MCTP1: variants seen among roughly 807,000 people sequenced by gnomAD.
MCTP1 encodes multiple C2 and transmembrane domain-containing protein 1.
A neutral mutation model predicts 120.6 loss-of-function variants in MCTP1; 69 were observed. That is an observed-to-expected ratio of 0.57 (90% CI 0.47 to 0.70). The LOEUF (loss-of-function observed/expected upper bound fraction) is 0.70. MCTP1 is among the 30% of genes least tolerant of loss of function. The pLI is 0.00. For synonymous variants in MCTP1, 529 were observed against 493.1 expected (o/e 1.07, Z -0.96); for missense variants, 1,203 against 1,248.8 (o/e 0.96, Z 0.55).
At chr5:94,826,645 G>A (rs1787135189) in intron 17 of MCTP1, 1 of 754,106 alleles carries the variant, frequency 1.3e-6, no homozygotes. Flanking sequence ...TTTTCTTGAG[G>A]GTTTCTGGCA....
intron 17 of MCTP1, among the ~76,000 whole-genome samples, chr5:94,843,875 G>C (rs1019052187): frequency 1.3e-5 from 2 of 152,208 alleles, no homozygotes; most frequent in Non-Finnish European, 2.9e-5. Flanking sequence ...TAGGTAGAGA[G>C]AAAGGTTGTG....
chr5:95,064,677 C>T (rs1368332936), intron 1 of MCTP1, among the ~76,000 whole-genome samples: 1 of 152,162 alleles, frequency 6.6e-6, no homozygotes, highest in Non-Finnish European at 1.5e-5. Context: ...CTGGGGTACA[C>T]TCACTGATAA....
chr5:95,143,373 T>A (rs1045937254), intron 1 of MCTP1, among the ~76,000 whole-genome samples: 1 of 152,166 alleles, frequency 6.6e-6, no homozygotes, highest in Admixed American at 6.5e-5. Flanking sequence ...TAAATAAAAT[T>A]TCTAGGAGCC....
rs1561915986 is a variant in MCTP1 at position 94,953,794 on chromosome 5, C to CATATATATACATATATATATACAAAT, written c.839-459_839-434dup. On this transcript the variant is annotated intron_variant, in intron 2 of 22. Transcript: ENST00000515393. ...ATGCCATGATATATATATTCCATGGCATATATATACATATATATATACAAA... is the reference window on the plus strand; with the variant it reads ...ATGCCATGATATATATATTCCATGGCATATATATACATATATATATACAAATATATATATACATATATATATACAAA... Among the ~76,000 whole-genome samples, 84 of 116,404 alleles carry CATATATATACATATATATATACAAAT rather than the reference C, an allele frequency of 7.2e-4. 5 individuals carry two copies. The East Asian group carries it at 0.014, about 19-fold the overall frequency. 76.4% of individuals were successfully genotyped at this position (116,404 alleles called of 152,430 possible).
chr5:95,058,860 A>C (rs1224272851), intron 1 of MCTP1, among the ~76,000 whole-genome samples: 1 of 152,144 alleles, frequency 6.6e-6, no homozygotes, highest in African/African-American at 2.4e-5. Flanking sequence ...TTCTCTTTTT[A>C]AAGATCCACA....
chr5:94,833,545 AC>A (rs1201759215), intron 17 of MCTP1, among the ~76,000 whole-genome samples: 8 of 152,198 alleles, frequency 5.3e-5, no homozygotes, highest in African/African-American at 1.7e-4. Flanking sequence ...AATGGAAAAA[AC>A]AAATTTGTTT....
chr5:94,954,148 A>AAG (rs1491389351), intron 2 of MCTP1, among the ~76,000 whole-genome samples: 1 of 5,962 alleles, frequency 1.7e-4, no homozygotes, highest in Non-Finnish European at 3.2e-4. Flanking sequence ...ATATATATAC[A>AAG]TATATATATG....
chr5:94,981,389 G>A (rs1383855489), intron 2 of MCTP1, among the ~76,000 whole-genome samples: 1 of 152,108 alleles, frequency 6.6e-6, no homozygotes, highest in Non-Finnish European at 1.5e-5. Flanking sequence ...TACAAGATTT[G>A]TGCTAGCTCT....
chr5:94,760,987 A>G (rs79868482), intron 19 of MCTP1, among the ~76,000 whole-genome samples: 2,926 of 152,314 alleles, frequency 0.019, 105 homozygotes, highest in African/African-American at 0.067. Flanking sequence ...GCCCAGCCCT[A>G]TAACAAAAGT....
At chr5:94,731,791 G>T (rs926701900) in intron 19 of MCTP1, among the ~76,000 whole-genome samples, 4 of 152,056 alleles carry the variant, frequency 2.6e-5, no homozygotes, top group Non-Finnish European at 4.4e-5. Context: ...CAGATAGCTG[G>T]GGAAAACAAT....
intron 1 of MCTP1, among the ~76,000 whole-genome samples, chr5:95,048,385 G>A (rs1045375840): frequency 1.3e-5 from 2 of 152,222 alleles, no homozygotes; most frequent in South Asian, 4.1e-4. Context: ...TTGTCACTGG[G>A]ATTAATTTCA....
At chr5:95,208,623 T>C (rs1314811676) in intron 1 of MCTP1, among the ~76,000 whole-genome samples, 3 of 151,992 alleles carry the variant, frequency 2.0e-5, no homozygotes, top group African/African-American at 4.8e-5. Context: ...GAGCTGGAAC[T>C]TCAACCAGCC....
intron 18 of MCTP1, among the ~76,000 whole-genome samples, chr5:94,785,449 T>A (rs945581282): frequency 6.6e-6 from 1 of 152,104 alleles, no homozygotes; most frequent in Non-Finnish European, 1.5e-5. Flanking sequence ...TTTTAAATAA[T>A]AATGCTTTTA....
At chr5:95,203,965 A>G (rs956410997) in intron 1 of MCTP1, among the ~76,000 whole-genome samples, 2 of 151,970 alleles carry the variant, frequency 1.3e-5, no homozygotes, top group Non-Finnish European at 2.9e-5. Flanking sequence ...GTAGATTACT[A>G]ACTATGCAAA....
chr5:94,909,148 T>G (rs754974872), intron 10 of MCTP1, 103 bp downstream of exon 10: 12 of 1,354,832 alleles, frequency 8.9e-6, no homozygotes, highest in Non-Finnish European at 1.2e-5. Flanking sequence ...AAAGTCCCTT[T>G]CTTCAAAACA....
intron 19 of MCTP1, among the ~76,000 whole-genome samples, chr5:94,759,106 C>T (rs1278895636): frequency 6.6e-6 from 1 of 152,090 alleles, no homozygotes; most frequent in East Asian, 1.9e-4. Flanking sequence ...AAGAAAACCA[C>T]AAAGACATAA....
chr5:95,180,201 G>C (rs976123704), intron 1 of MCTP1, among the ~76,000 whole-genome samples: 26 of 152,112 alleles, frequency 1.7e-4, no homozygotes, highest in African/African-American at 6.0e-4. Context: ...AACAATAGTG[G>C]GGGACTTGAA....
rs1296040534 is a variant in MCTP1 at position 95,040,346 on chromosome 5, C to T, written c.721-22862G>A. On this transcript the variant is annotated intron_variant, in intron 1 of 22. Transcript: ENST00000515393. ...CCAGCTACTTGGGAGACTGAGACAC[C>T]AGAATCGCTTGAACCTGAGAGGCGG... Among the ~76,000 whole-genome samples, 3 of 151,288 alleles carry T rather than the reference C, an allele frequency of 2.0e-5. No individual in the cohort carries two copies. In the East Asian group the frequency reaches 5.8e-4, roughly 29 times the overall value.
chr5:94,715,017 T>A, intron 19 of MCTP1, 131 bp from the exon 20 acceptor site: 1 of 598,324 alleles, frequency 1.7e-6, no homozygotes, highest in Non-Finnish European at 2.9e-6. Context: ...AAATGGATAA[T>A]TGGAACCCAT....
Sources: allele counts gnomAD v4.1 joint callset (sites outside exome capture counted in the v4.1 genomes callset), GRCh38; gene constraint gnomAD v4.1.1; transcripts MANE v1.5; gene names NCBI Gene and HGNC (gene_info 2026-07-23, HGNC 2026-07-21).